OGDH: variants seen among roughly 807,000 people sequenced by gnomAD.
The protein encoded by OGDH is oxoglutarate dehydrogenase.
A neutral mutation model predicts 116.6 loss-of-function variants in OGDH; 38 were observed. That is an observed-to-expected ratio of 0.33 (90% CI 0.25 to 0.43). The LOEUF (loss-of-function observed/expected upper bound fraction) is 0.43, where lower values mean the gene tolerates loss of function less well. Ranked by LOEUF, OGDH falls within the 20% of genes least tolerant of loss-of-function variation. The pLI, the probability that OGDH is intolerant of heterozygous loss-of-function variation, is 1.00. For missense variants in OGDH, 825 were observed against 1,357.2 expected, an observed-to-expected ratio of 0.61 and a Z score of 6.16; for synonymous variants, 488 against 533.3, an observed-to-expected ratio of 0.92 and a Z score of 1.17.
At position 44,700,060 on chromosome 7, in the gene OGDH, T is replaced by G. The variant is rs541643375; in HGVS notation, c.2431-81T>G. On this transcript the variant is annotated intron_variant, in intron 18 of 22. Transcript: ENST00000222673. ...TTTGGGCAGGGACAAATATCCAAAC[T>G]AGATCACCTGAGGGCCCCCACATGC... is the stretch of plus-strand genomic sequence containing the variant. 2.0e-5 allele frequency: 29 copies of G among 1,459,838 alleles called. No homozygotes were observed. The East Asian group carries it at 6.4e-4, about 32-fold the overall frequency. 90.4% of individuals were successfully genotyped at this position (1,459,838 alleles called of 1,614,324 possible). A position where few individuals can be genotyped will look rare whatever the true frequency, so the allele number is the denominator to read the frequency against.
intron 5 of OGDH, among the ~76,000 whole-genome samples, chr7:44,670,147 G>T (rs1022230166): frequency 1.3e-5 from 2 of 151,990 alleles, no homozygotes; most frequent in African/African-American, 4.8e-5. Context: ...CAAGTTAATT[G>T]TTAAAGTAAT....
intron 2 of OGDH, among the ~76,000 whole-genome samples, chr7:44,643,251 CA>C (rs1786030004): frequency 6.6e-6 from 1 of 152,184 alleles, no homozygotes; most frequent in Non-Finnish European, 1.5e-5. Context: ...ACTGGGACTA[CA>C]GGCACATGCT....
chr7:44,694,051 AC>A lies in OGDH; in HGVS notation c.1515+51del. ...ACGTCCTGGGCAGAGCATCTGACCC[AC>A]CCCTCTTGCCCTCGGCACCCCTGTG... On this transcript the variant is annotated intron_variant, in intron 11 of 22. Coordinates refer to ENST00000222673, the MANE Select transcript of OGDH (RefSeq NM_002541.4). This position sits in a 1 kb window ranked among gnomAD's most constrained non-coding sequence, Gnocchi z 4.2. The A allele has an allele frequency of 1.9e-6, 3 of 1,558,618 alleles. No homozygotes were observed. Among genetic ancestry groups the A allele is most frequent in the Non-Finnish European group, 2.6e-6 (3 of 1,143,374 alleles).
At chr7:44,630,341 T>C (rs952649908) in intron 2 of OGDH, among the ~76,000 whole-genome samples, 11 of 152,104 alleles carry the variant, frequency 7.2e-5, no homozygotes, top group Admixed American at 5.2e-4. Context: ...GGAAGTCTGA[T>C]GGAAGTCTGA....
At chr7:44,628,681 C>G (rs1562621865) in intron 2 of OGDH, among the ~76,000 whole-genome samples, 1 of 151,878 alleles carries the variant, frequency 6.6e-6, no homozygotes, top group Non-Finnish European at 1.5e-5. Context: ...AACTCCTGGG[C>G]TCAAGCAATC....
chr7:44,627,833 C>A (rs1191179807), intron 2 of OGDH, among the ~76,000 whole-genome samples: 1 of 152,062 alleles, frequency 6.6e-6, no homozygotes, highest in Non-Finnish European at 1.5e-5. Flanking sequence ...CGCGCCACCA[C>A]GCCTGGCTAA....
At chr7:44,693,710 C>T (rs1429827949) in intron 10 of OGDH, 115 bp from the exon 11 acceptor site, 40 of 777,020 alleles carry the variant, frequency 5.1e-5, no homozygotes, top group Non-Finnish European at 9.7e-6. Flanking sequence ...TTTTGGGGTA[C>T]GTACTCAGAG....
chr7:44,706,613 G>A (rs1246887601), intron 20 of OGDH, among the ~76,000 whole-genome samples: 3 of 140,880 alleles, frequency 2.1e-5, no homozygotes, highest in South Asian at 2.3e-4. Context: ...TGAGCCATGC[G>A]CCCGGCTGGT....
At chr7:44,645,193 C>G (rs1360086905) in intron 2 of OGDH, 134 bp from the exon 3 acceptor site, 1 of 746,366 alleles carries the variant, frequency 1.3e-6, no homozygotes, top group African/African-American at 1.7e-5. Flanking sequence ...AGAGACCCCA[C>G]TGTCCAGGAG....
At chr7:44,641,733 A>C (rs1219634792) in intron 2 of OGDH, among the ~76,000 whole-genome samples, 1 of 152,214 alleles carries the variant, frequency 6.6e-6, no homozygotes, top group African/African-American at 2.4e-5. Context: ...ATGGATGTCC[A>C]ATGCATGTGG....
chr7:44,670,402 A>G (rs2116095892), intron 5 of OGDH, among the ~76,000 whole-genome samples: 1 of 152,230 alleles, frequency 6.6e-6, no homozygotes, highest in South Asian at 2.1e-4. Flanking sequence ...GAAGGGACAG[A>G]TAGCCAGTTA....
chr7:44,606,651 C>T lies in OGDH; in HGVS notation c.-30C>T, dbSNP rs963686152. 2.0e-5 allele frequency: 3 copies of T among 152,274 alleles called. No individual in the cohort carries two copies. The highest frequency in any genetic ancestry group is 4.4e-5 in the Non-Finnish European group (3 of 68,076). The allele number at this position is 152,274 out of a possible 1,614,324, so 9.4% of individuals were successfully genotyped here. On this transcript the variant is annotated splice_region_variant and 5_prime_UTR_variant, in exon 1 of 23. Coordinates refer to ENST00000222673, the MANE Select transcript of OGDH (RefSeq NM_002541.4). ...CATTCGGGTGGAGCTGAGCCGGAGA[C>T]AGGTAACCGTGCGCTGTCGCCGCGC...
chr7:44,674,306 A>T (rs949947604), intron 6 of OGDH, 105 bp from the exon 7 acceptor site: 387 of 1,424,620 alleles, frequency 2.7e-4, no homozygotes, highest in Non-Finnish European at 3.6e-4. Flanking sequence ...CGGCCTCCCA[A>T]GGTGCTGGGA....
chr7:44,623,891 G>A (rs866220489), intron 1 of OGDH, among the ~76,000 whole-genome samples: 6 of 152,094 alleles, frequency 3.9e-5, no homozygotes, highest in African/African-American at 1.2e-4. Context: ...TGATCCACCC[G>A]CCTTGGCCTC....
chr7:44,648,013 A>G (rs1786268128), intron 4 of OGDH, among the ~76,000 whole-genome samples: 1 of 152,236 alleles, frequency 6.6e-6, no homozygotes, highest in South Asian at 2.1e-4. Flanking sequence ...GGCACAGGGA[A>G]AAAGCTTGTC....
chr7:44,699,580 G>A (rs1314214364), intron 18 of OGDH, among the ~76,000 whole-genome samples: 1 of 152,148 alleles, frequency 6.6e-6, no homozygotes, highest in South Asian at 2.1e-4. Flanking sequence ...GAGTGGGACT[G>A]AGGCTCTCCT....
intron 2 of OGDH, among the ~76,000 whole-genome samples, chr7:44,635,930 C>G (rs1423811374): frequency 6.6e-6 from 1 of 152,184 alleles, no homozygotes; most frequent in Non-Finnish European, 1.5e-5. Context: ...GTCTCAATCT[C>G]CTGACCTCAT....
At chr7:44,660,719 A>G (rs949549336) in intron 4 of OGDH, among the ~76,000 whole-genome samples, 1 of 152,174 alleles carries the variant, frequency 6.6e-6, no homozygotes, top group Non-Finnish European at 1.5e-5. Context: ...ACTTGAAGCC[A>G]GGAGTTTGTT....
At chr7:44,630,065 G>A (rs740093) in intron 2 of OGDH, among the ~76,000 whole-genome samples, 66,133 of 152,072 alleles carry the variant, frequency 0.43, 14,534 homozygotes, top group East Asian at 0.6. Context: ...TCCTCCTTTC[G>A]TGCTTATGAA....
Sources: gnomAD v4.1 joint callset for allele counts (sites outside exome capture counted in the v4.1 genomes callset) on GRCh38, gnomAD v4.1.1 for gene constraint, Gnocchi (gnomAD v3.1) non-coding constraint, MANE v1.5 for transcripts, NCBI Gene and HGNC (gene_info 2026-07-23, HGNC 2026-07-21) for gene names.